Variants in MARCHF8 observed in about 807,000 individuals in gnomAD.
MARCHF8 encodes membrane associated ring-CH-type finger 8, also known as E3 ubiquitin-protein ligase MARCHF8.
In MARCHF8, 40 loss-of-function variants were observed where a neutral mutation model predicts 51.6. That is an observed-to-expected ratio of 0.77 (90% confidence interval 0.60 to 1.01). The LOEUF (loss-of-function observed/expected upper bound fraction) is 1.01. Ranked by LOEUF, MARCHF8 falls within the 50% of genes least tolerant of loss-of-function variation. The pLI, the probability that MARCHF8 is intolerant of heterozygous loss-of-function variation, is 0.00. For missense variants in MARCHF8, 685 were observed against 708.6 expected (o/e 0.97, Z 0.38); for synonymous variants, 263 against 280.3 (o/e 0.94, Z 0.62).
chr10:45,488,602 C>G (rs1481860346), intron 3 of MARCHF8, among the ~76,000 whole-genome samples: 1 of 152,206 alleles, frequency 6.6e-6, no homozygotes, highest in Non-Finnish European at 1.5e-5. Context: ...GCCGACTGCT[C>G]CTGCCAACAG....
At chr10:45,458,653 T>G (rs950736856) in intron 7 of MARCHF8, 110 bp from the exon 8 acceptor site, 47 of 1,189,624 alleles carry the variant, frequency 4.0e-5, no homozygotes, top group Middle Eastern at 2.7e-4. Context: ...TGTTGTTGTT[T>G]TTTAAGAGAT....
intron 1 of MARCHF8, among the ~76,000 whole-genome samples, chr10:45,573,494 G>A (rs748485992): frequency 3.9e-5 from 6 of 152,154 alleles, no homozygotes; most frequent in Non-Finnish European, 7.3e-5. Flanking sequence ...TTCAGGTGCC[G>A]GAAATCTGGC....
intron 2 of MARCHF8, among the ~76,000 whole-genome samples, chr10:45,513,783 A>C (rs2043575407): frequency 6.6e-6 from 1 of 152,338 alleles, no homozygotes. Flanking sequence ...GTGGGAAATA[A>C]TACCACAAAA....
intron 2 of MARCHF8, among the ~76,000 whole-genome samples, chr10:45,498,979 C>G (rs34081402): frequency 0.062 from 9,370 of 152,198 alleles, 327 homozygotes; most frequent in Non-Finnish European, 0.066. Context: ...AAGTGGATTT[C>G]CTGGGTCATA....
chr10:45,553,692 C>G (rs2044220609), intron 1 of MARCHF8, among the ~76,000 whole-genome samples: 1 of 152,110 alleles, frequency 6.6e-6, no homozygotes, highest in Non-Finnish European at 1.5e-5. Context: ...TGACAAATGT[C>G]TCTATATACT....
chr10:45,464,322 C>T lies in MARCHF8; in HGVS notation c.159G>A (p.Gly53=), dbSNP rs771532102. ...CCGGAGCTGATGCTGACGGAGGACT[C>T]CCAGCCTGCAATGACAGACCTGTGG... is the stretch of plus-strand genomic sequence containing the variant. ...MSHSSNISKA[G]SPPSASAPAP... is the part of the protein sequence containing the mutation. Residue 53 remains glycine, a synonymous_variant, in exon 4 of 8, where the codon GGG becomes GGA. Transcript: ENST00000453424. 1.1e-5 allele frequency: 18 copies of T among 1,613,916 alleles called. No homozygotes were observed. The highest frequency in any genetic ancestry group is 1.5e-5 in the Non-Finnish European group (18 of 1,179,924).
chr10:45,563,326 C>T (rs548895299), intron 1 of MARCHF8, among the ~76,000 whole-genome samples: 1 of 152,244 alleles, frequency 6.6e-6, no homozygotes, highest in South Asian at 2.1e-4. Context: ...TGCGCCCAGC[C>T]CCGATTTTTC....
intron 3 of MARCHF8, among the ~76,000 whole-genome samples, chr10:45,470,858 A>T (rs2042675486): frequency 1.3e-5 from 2 of 152,346 alleles, no homozygotes; most frequent in African/African-American, 4.8e-5. Flanking sequence ...TGCTTAGCAC[A>T]GAAGTTACTC....
At chr10:45,593,039 C>T (rs749637819) in intron 1 of MARCHF8, among the ~76,000 whole-genome samples, 2 of 151,908 alleles carry the variant, frequency 1.3e-5, no homozygotes, top group Non-Finnish European at 2.9e-5. Flanking sequence ...CATTTTTCAG[C>T]AGAAACTGAG....
At chr10:45,530,280 G>A (rs2043856143) in intron 2 of MARCHF8, among the ~76,000 whole-genome samples, 1 of 152,184 alleles carries the variant, frequency 6.6e-6, no homozygotes, top group Admixed American at 6.5e-5. Flanking sequence ...ACTCAGAAAG[G>A]TGGGAGGATG....
chr10:45,480,363 C>A (rs2042862568), intron 3 of MARCHF8, among the ~76,000 whole-genome samples: 1 of 152,076 alleles, frequency 6.6e-6, no homozygotes, highest in African/African-American at 2.4e-5. Flanking sequence ...GGAAATTTGC[C>A]TAAGTAACGA....
intron 1 of MARCHF8, among the ~76,000 whole-genome samples, chr10:45,586,916 T>C (rs967801583): frequency 1.2e-4 from 18 of 152,276 alleles, no homozygotes; most frequent in Admixed American, 8.5e-4. Flanking sequence ...TACTGTTTCT[T>C]TTCCTTAACA....
chr10:45,566,486 G>C (rs2044366040), intron 1 of MARCHF8, among the ~76,000 whole-genome samples: 1 of 151,886 alleles, frequency 6.6e-6, no homozygotes, highest in South Asian at 2.1e-4. Context: ...CAATTGTCTT[G>C]ATTTTTAGAT....
chr10:45,583,333 A>G (rs1256115301), intron 1 of MARCHF8, among the ~76,000 whole-genome samples: 2 of 152,172 alleles, frequency 1.3e-5, no homozygotes, highest in Non-Finnish European at 2.9e-5. Flanking sequence ...TCCAATTTAA[A>G]TCTCCTTTGA....
chr10:45,551,858 C>A (rs2044199162), intron 1 of MARCHF8, among the ~76,000 whole-genome samples: 1 of 152,094 alleles, frequency 6.6e-6, no homozygotes, highest in East Asian at 1.9e-4. Context: ...CACACACACA[C>A]ACACACAGAC....
intron 1 of MARCHF8, among the ~76,000 whole-genome samples, chr10:45,572,767 C>T (rs1465092710): frequency 6.6e-6 from 1 of 152,082 alleles, no homozygotes; most frequent in Non-Finnish European, 1.5e-5. Context: ...CATCTGACCT[C>T]TCCCCTCCTC....
intron 5 of MARCHF8, chr10:45,462,329 G>A (rs1842813792): frequency 6.6e-6 from 1 of 152,336 alleles, no homozygotes; most frequent in African/African-American, 2.4e-5. Flanking sequence ...GGAAGATAAA[G>A]GGGGGAAACA....
At chr10:45,484,978 T>C (rs2042954159) in intron 3 of MARCHF8, among the ~76,000 whole-genome samples, 1 of 152,186 alleles carries the variant, frequency 6.6e-6, no homozygotes, top group South Asian at 2.1e-4. Flanking sequence ...ACTTACTGGC[T>C]ACTGGGTGCT....
chr10:45,512,500 G>A (rs10082418), intron 2 of MARCHF8, among the ~76,000 whole-genome samples: 2,234 of 147,580 alleles, frequency 0.015, 63 homozygotes, highest in African/African-American at 0.054. Context: ...TGCCCGGCCA[G>A]CCGCCCAGTC....
Sources: gnomAD v4.1 joint callset for allele counts (sites outside exome capture counted in the v4.1 genomes callset) on GRCh38, gnomAD v4.1.1 for gene constraint, MANE v1.5 for transcripts, NCBI Gene and HGNC (gene_info 2026-07-23, HGNC 2026-07-21) for gene names.